TSC22D1: variants seen among roughly 807,000 people sequenced by gnomAD.
TSC22D1 encodes TSC22 domain family protein 1.
In TSC22D1, 9 loss-of-function variants were observed where a neutral mutation model predicts 74.2. The observed-to-expected ratio is 0.12, with a 90% CI of 0.07 to 0.21. The LOEUF (loss-of-function observed/expected upper bound fraction) is 0.21. TSC22D1 is among the 10% of genes least tolerant of loss of function. TSC22D1 has a pLI of 1.00. For missense variants in TSC22D1, 1,427 were observed against 1,304.7 expected, an observed-to-expected ratio of 1.09 and a Z score of -1.44; for synonymous variants, 586 against 492.5, an observed-to-expected ratio of 1.19 and a Z score of -2.51.
chr13:44,435,493 A>G (rs1176211084), intron 2 of TSC22D1, among the ~76,000 whole-genome samples: 2 of 152,208 alleles, frequency 1.3e-5, no homozygotes, highest in Non-Finnish European at 2.9e-5. Flanking sequence ...CTCCAATAAC[A>G]AAGAACGGCC....
At chr13:44,473,623 G>GTA (rs1445656848) in intron 1 of TSC22D1, among the ~76,000 whole-genome samples, 6 of 152,134 alleles carry the variant, frequency 3.9e-5, no homozygotes, top group African/African-American at 1.4e-4. Context: ...GTGTGTGTGT[G>GTA]TGTATATATT....
At chr13:44,497,120 C>T (rs1879014020) in intron 1 of TSC22D1, among the ~76,000 whole-genome samples, 1 of 152,084 alleles carries the variant, frequency 6.6e-6, no homozygotes, top group Admixed American at 6.5e-5. Flanking sequence ...TTCACAGGAG[C>T]TTTCACAATA....
At chr13:44,441,595 G>C (rs1875210793) in intron 1 of TSC22D1, among the ~76,000 whole-genome samples, 1 of 152,076 alleles carries the variant, frequency 6.6e-6, no homozygotes, top group Non-Finnish European at 1.5e-5. Flanking sequence ...AAGAAATAGT[G>C]TAAGTATAAA....
intron 1 of TSC22D1, chr13:44,538,990 A>G: frequency 1.0e-6 from 1 of 985,394 alleles, no homozygotes. Flanking sequence ...CAAAGGTAAC[A>G]AGTTCACATT....
intron 1 of TSC22D1, among the ~76,000 whole-genome samples, chr13:44,470,371 C>G (rs1877529642): frequency 6.6e-6 from 1 of 152,148 alleles, no homozygotes; most frequent in Non-Finnish European, 1.5e-5. Context: ...TGCCTTGAAA[C>G]AGCTCTCCAA....
At position 44,575,896 on chromosome 13, in the gene TSC22D1, G is replaced by A. The variant is rs200325152; in HGVS notation, c.179C>T (p.Pro60Leu). Residue 60 changes from proline (P) to leucine (L), a missense_variant, in exon 1 of 3, where the codon CCT becomes CTT. Transcript: ENST00000458659. ...SNATSSEDFP[P>L]PSLLQPPPPA... is the part of the protein sequence containing the mutation. ...GGGCGGCGGCTGAAGCAGCGACGGA[G>A]GCGGAAAATCCTCGGAAGATGTGGC... 1.6e-4 allele frequency: 254 copies of A among 1,613,914 alleles called. No individual in the cohort carries two copies. The Middle Eastern group carries it at 2.8e-3, about 18-fold the overall frequency.
chr13:44,464,346 T>C (rs994984355), intron 1 of TSC22D1, among the ~76,000 whole-genome samples: 3 of 152,322 alleles, frequency 2.0e-5, no homozygotes, highest in African/African-American at 7.2e-5. Context: ...ACTCCCACCA[T>C]TTTCTTTGGA....
At chr13:44,496,248 G>C (rs993728023) in intron 1 of TSC22D1, among the ~76,000 whole-genome samples, 1 of 152,192 alleles carries the variant, frequency 6.6e-6, no homozygotes, top group Non-Finnish European at 1.5e-5. Context: ...TTAGGGAAAT[G>C]GAAATCAAAG....
At chr13:44,570,570 A>G (rs537308036) in intron 1 of TSC22D1, among the ~76,000 whole-genome samples, 1 of 152,280 alleles carries the variant, frequency 6.6e-6, no homozygotes, top group Admixed American at 6.5e-5. Flanking sequence ...CCATGTTTAT[A>G]GTCTCTCCCA....
intron 1 of TSC22D1, among the ~76,000 whole-genome samples, chr13:44,534,231 G>GAAAAAAAAAA (rs375484588): frequency 2.0e-5 from 2 of 99,978 alleles, no homozygotes. Context: ...GTCTCAAGGA[G>GAAAAAAAAAA]AAAAAAAAAA....
intron 2 of TSC22D1, chr13:44,435,260 G>A: frequency 5.5e-6 from 1 of 182,498 alleles, no homozygotes. Flanking sequence ...GCCCGGAGCC[G>A]CCTCCTTCAG....
At chr13:44,474,169 T>G in intron 1 of TSC22D1, 2 of 921,888 alleles carry the variant, frequency 2.2e-6, no homozygotes, top group Non-Finnish European at 2.6e-6. Flanking sequence ...TTAGGACAAC[T>G]GAGAGACAAT....
intron 1 of TSC22D1, among the ~76,000 whole-genome samples, chr13:44,529,029 T>A (rs1451504524): frequency 6.6e-6 from 1 of 152,096 alleles, no homozygotes; most frequent in African/African-American, 2.4e-5. Flanking sequence ...CATGATATGA[T>A]ACCAATTCTC....
chr13:44,504,174 C>G (rs1312931135), intron 1 of TSC22D1, among the ~76,000 whole-genome samples: 2 of 151,486 alleles, frequency 1.3e-5, no homozygotes, highest in Non-Finnish European at 2.9e-5. Context: ...TGACTTGAAG[C>G]CAGAAAAAGC....
chr13:44,574,874 T>C lies in TSC22D1; in HGVS notation c.1201A>G (p.Thr401Ala). 6.2e-7 allele frequency: 1 copy of C among 1,614,124 alleles called. No individual in the cohort carries two copies. Among genetic ancestry groups the C allele is most frequent in the Admixed American group, 1.7e-5 (1 of 60,026 alleles). ...ACTCTGAACCTCGAAGTGTTAACTG[T>C]TGGTTGTTGCTGCTGACTTGAAACC... ...GSVSSQQQQP[T>A]VNTSRFRVVK... The change falls in exon 1 of 3, where the codon ACA (threonine) becomes GCA (alanine). Residue 401 changes from threonine to alanine, a missense_variant. Thr to Ala is a moderately conservative substitution (Grantham distance 58, BLOSUM62 0). Coordinates refer to ENST00000458659, the MANE Select transcript of TSC22D1 (RefSeq NM_183422.4).
chr13:44,502,254 A>G (rs2137985812), intron 1 of TSC22D1, among the ~76,000 whole-genome samples: 1 of 152,272 alleles, frequency 6.6e-6, no homozygotes, highest in African/African-American at 2.4e-5. Flanking sequence ...AAGTAATTGG[A>G]TACTTGCTTA....
chr13:44,515,506 C>T (rs552919783), intron 1 of TSC22D1, among the ~76,000 whole-genome samples: 16 of 151,714 alleles, frequency 1.1e-4, no homozygotes, highest in Admixed American at 7.2e-4. Flanking sequence ...GGCACAATCT[C>T]GGTTCTCTGC....
At chr13:44,474,809 G>A (rs886383572) in intron 1 of TSC22D1, among the ~76,000 whole-genome samples, 1 of 151,992 alleles carries the variant, frequency 6.6e-6, no homozygotes, top group Non-Finnish European at 1.5e-5. Flanking sequence ...AAACTAACCA[G>A]ACAAGTAAAC....
intron 1 of TSC22D1, among the ~76,000 whole-genome samples, chr13:44,448,709 TTA>T (rs150492308): frequency 0.015 from 2,315 of 152,252 alleles, 46 homozygotes; most frequent in African/African-American, 0.052. Flanking sequence ...CTATTCAGAA[TTA>T]TAAAGCAAAA....
Sources: gnomAD v4.1 joint callset for allele counts (sites outside exome capture counted in the v4.1 genomes callset) on GRCh38, gnomAD v4.1.1 for gene constraint, MANE v1.5 for transcripts, NCBI Gene and HGNC (gene_info 2026-07-23, HGNC 2026-07-21) for gene names.